Variants in PLCB4 observed in about 807,000 individuals in gnomAD.
PLCB4 encodes 1-phosphatidylinositol 4,5-bisphosphate phosphodiesterase beta-4.
In PLCB4, 77 loss-of-function variants were observed where a neutral mutation model predicts 178.8. The observed-to-expected ratio is 0.43, with a 90% CI of 0.36 to 0.52. The LOEUF (loss-of-function observed/expected upper bound fraction) is 0.52, where lower values mean the gene tolerates loss of function less well. Ranked by LOEUF, PLCB4 falls within the 20% of genes least tolerant of loss-of-function variation. PLCB4 has a pLI of 0.00. For missense variants in PLCB4, 1,024 were observed against 1,453.4 expected, an observed-to-expected ratio of 0.70 and a Z score of 4.80; for synonymous variants, 496 against 490.8, an observed-to-expected ratio of 1.01 and a Z score of -0.14.
intron 2 of PLCB4, among the ~76,000 whole-genome samples, chr20:9,151,040 A>G (rs2092682058): frequency 6.6e-6 from 1 of 152,124 alleles, no homozygotes; most frequent in Non-Finnish European, 1.5e-5. Context: ...AATCTAAACA[A>G]ATACAGTAGG....
chr20:9,078,485 C>T (rs987128369), intron 1 of PLCB4, among the ~76,000 whole-genome samples: 1 of 151,910 alleles, frequency 6.6e-6, no homozygotes, highest in African/African-American at 2.4e-5. Flanking sequence ...CTCCCTGGTT[C>T]AAGCGATTCT....
intron 2 of PLCB4, among the ~76,000 whole-genome samples, chr20:9,165,571 A>G (rs911887841): frequency 7.9e-5 from 12 of 152,220 alleles, no homozygotes; most frequent in African/African-American, 9.6e-5. Context: ...TGGGAGGCAC[A>G]GCATAAAATC....
chr20:9,430,737 G>A (rs116720262), intron 28 of PLCB4, among the ~76,000 whole-genome samples: 1,779 of 152,282 alleles, frequency 0.012, 28 homozygotes, highest in African/African-American at 0.041. Context: ...AAGACAATAT[G>A]TGGATTCAGC....
intron 19 of PLCB4, among the ~76,000 whole-genome samples, chr20:9,400,475 A>T (rs1183049771): frequency 6.6e-6 from 1 of 152,062 alleles, no homozygotes. Flanking sequence ...AACATGCTTT[A>T]AAAAAATCTA....
chr20:9,078,608 C>T (rs956943896), intron 1 of PLCB4, among the ~76,000 whole-genome samples: 2 of 151,862 alleles, frequency 1.3e-5, no homozygotes, highest in Non-Finnish European at 2.9e-5. Context: ...ATGATCTGCC[C>T]TCCTCAGCCT....
chr20:9,230,768 A>G (rs1301803906), intron 3 of PLCB4, among the ~76,000 whole-genome samples: 1 of 152,038 alleles, frequency 6.6e-6, no homozygotes, highest in Non-Finnish European at 1.5e-5. Flanking sequence ...GCTTTCCTGC[A>G]GAGTAGTTTG....
At chr20:9,263,447 C>CT (rs1305969586) in intron 3 of PLCB4, among the ~76,000 whole-genome samples, 3 of 152,194 alleles carry the variant, frequency 2.0e-5, no homozygotes, top group Non-Finnish European at 4.4e-5. Context: ...GGACCAGCAG[C>CT]TTTAGCATCA....
At position 9,201,757 on chromosome 20, in the gene PLCB4, A is replaced by G. The variant is rs982453375; in HGVS notation, c.-78-15633A>G. Among the ~76,000 whole-genome samples, 4 of 152,330 alleles carry G rather than the reference A, an allele frequency of 2.6e-5. No homozygotes were observed. In the South Asian group the frequency reaches 8.3e-4, roughly 32 times the overall value. On this transcript the variant is annotated intron_variant, in intron 2 of 39. Transcript: ENST00000378473. The stretch of plus-strand genomic sequence containing the variant: ...GATGGTACCAAGTGGGTGAAAATGC[A>G]GAGTATCTGGGATTCCCATGCATTG...
intron 3 of PLCB4, among the ~76,000 whole-genome samples, chr20:9,274,083 T>C (rs1466138494): frequency 6.6e-6 from 1 of 152,002 alleles, no homozygotes; most frequent in Admixed American, 6.6e-5. Flanking sequence ...AGAGAAGAAT[T>C]AGACAGAAGA....
intron 2 of PLCB4, among the ~76,000 whole-genome samples, chr20:9,148,413 T>C (rs2092636105): frequency 6.6e-6 from 1 of 152,174 alleles, no homozygotes; most frequent in Admixed American, 6.5e-5. Flanking sequence ...CCTTGTTAGA[T>C]GTCTCACAAA....
chr20:9,282,678 C>T (rs2094504265), intron 3 of PLCB4, among the ~76,000 whole-genome samples: 1 of 151,962 alleles, frequency 6.6e-6, no homozygotes, highest in Admixed American at 6.6e-5. Flanking sequence ...TGTAACAAAC[C>T]ACCCTCAAAT....
chr20:9,170,573 T>C (rs2093048054), intron 2 of PLCB4, among the ~76,000 whole-genome samples: 2 of 152,156 alleles, frequency 1.3e-5, no homozygotes, highest in Non-Finnish European at 2.9e-5. Context: ...CTACGAAGAT[T>C]GTGTTTGAGG....
intron 9 of PLCB4, among the ~76,000 whole-genome samples, chr20:9,369,289 A>G (rs948445539): frequency 1.3e-5 from 2 of 152,194 alleles, no homozygotes; most frequent in South Asian, 2.1e-4. Flanking sequence ...TGAGATTGCT[A>G]TGCAAAGATT....
chr20:9,163,157 G>T (rs1356753225), intron 2 of PLCB4, among the ~76,000 whole-genome samples: 1 of 152,104 alleles, frequency 6.6e-6, no homozygotes, highest in African/African-American at 2.4e-5. Flanking sequence ...GAAAACTAAA[G>T]AATGTAGAAA....
At chr20:9,107,676 T>C (rs1380165362) in intron 2 of PLCB4, among the ~76,000 whole-genome samples, 1 of 152,002 alleles carries the variant, frequency 6.6e-6, no homozygotes, top group African/African-American at 2.4e-5. Context: ...GAGGGTCTTA[T>C]AGTCTTCTGT....
intron 36 of PLCB4, 21 bp from the exon 37 acceptor site, chr20:9,472,769 A>C: frequency 6.6e-7 from 1 of 1,520,220 alleles, no homozygotes; most frequent in South Asian, 1.2e-5. Flanking sequence ...ACCAACCGTT[A>C]TTTGTGCCCA....
At chr20:9,467,076 A>G (rs1379518285) in intron 35 of PLCB4, among the ~76,000 whole-genome samples, 1 of 152,242 alleles carries the variant, frequency 6.6e-6, no homozygotes, top group Non-Finnish European at 1.5e-5. Flanking sequence ...TGGCACATAT[A>G]CAACATGGAA....
intron 3 of PLCB4, among the ~76,000 whole-genome samples, chr20:9,273,028 G>A (rs2094419480): frequency 6.6e-6 from 1 of 152,038 alleles, no homozygotes; most frequent in Non-Finnish European, 1.5e-5. Context: ...AGAGGAGGCT[G>A]GATTCCCTTC....
intron 8 of PLCB4, among the ~76,000 whole-genome samples, chr20:9,364,480 C>T (rs1031886268): frequency 7.2e-5 from 11 of 152,300 alleles, no homozygotes; most frequent in African/African-American, 2.2e-4. Context: ...ACTCTTCCCT[C>T]CTCCAGGAGG....
Sources: gnomAD v4.1 joint callset for allele counts (sites outside exome capture counted in the v4.1 genomes callset) on GRCh38, gnomAD v4.1.1 for gene constraint, MANE v1.5 for transcripts, NCBI Gene and HGNC (gene_info 2026-07-23, HGNC 2026-07-21) for gene names.